The following HTR2C variants were observed in gnomAD, a reference collection of about 807,000 sequenced individuals.
HTR2C encodes the protein 5-hydroxytryptamine (serotonin) receptor 2C, G protein-coupled.
In HTR2C, 5 loss-of-function variants were observed where a neutral mutation model predicts 21.0. The ratio of observed to expected loss-of-function variants is 0.24; its 90% CI spans 0.12 to 0.50. The LOEUF (loss-of-function observed/expected upper bound fraction) is 0.50, where lower values mean the gene tolerates loss of function less well. HTR2C is among the 20% of genes least tolerant of loss of function. The pLI is 0.98. For synonymous variants in HTR2C, 150 were observed against 145.3 expected (o/e 1.03, Z -0.23); for missense variants, 271 against 371.2 (o/e 0.73, Z 2.22).
At chrX:114,597,327 A>C (rs1927904506) in intron 1 of HTR2C, among the ~76,000 whole-genome samples, 1 of 111,495 alleles carries the variant, frequency 9.0e-6, no homozygotes, top group Non-Finnish European at 1.9e-5. Context: ...TTAGAGTCAC[A>C]AAACTGTCAA....
intron 1 of HTR2C, among the ~76,000 whole-genome samples, chrX:114,607,210 G>A (rs1328106209): frequency 8.9e-6 from 1 of 112,212 alleles, no homozygotes; most frequent in African/African-American, 3.3e-5. Flanking sequence ...CACAGGGGAT[G>A]CAATGGCTTG....
At chrX:114,588,212 T>C (rs1927481774) in intron 1 of HTR2C, among the ~76,000 whole-genome samples, 1 of 112,059 alleles carries the variant, frequency 8.9e-6, no homozygotes, top group Non-Finnish European at 1.9e-5. Flanking sequence ...ATGGTCTAAT[T>C]TGAGAAGCAC....
At chrX:114,798,043 G>A (rs2070310956) in intron 4 of HTR2C, among the ~76,000 whole-genome samples, 1 of 87,196 alleles carries the variant, frequency 1.1e-5, no homozygotes, top group Non-Finnish European at 2.3e-5. Flanking sequence ...CTGTAGATTA[G>A]TAGTATTAGT....
chrX:114,602,995 T>C (rs1369541725), intron 1 of HTR2C, among the ~76,000 whole-genome samples: 3 of 110,172 alleles, frequency 2.7e-5, no homozygotes, highest in Non-Finnish European at 5.7e-5. Context: ...TACTATAGCA[T>C]AACCTGCCTT....
intron 5 of HTR2C, among the ~76,000 whole-genome samples, chrX:114,873,441 G>T (rs893415675): frequency 9.0e-5 from 10 of 110,899 alleles, no homozygotes; most frequent in African/African-American, 3.3e-4. Flanking sequence ...CAGCATTATG[G>T]ATTTTATTTT....
chrX:114,844,502 GTCTTT>G (rs1380880272), intron 4 of HTR2C, among the ~76,000 whole-genome samples: 5 of 111,805 alleles, frequency 4.5e-5, no homozygotes, highest in Non-Finnish European at 9.4e-5. Context: ...TGGTGCAAGT[GTCTTT>G]TCTTTACTGT....
At chrX:114,837,801 A>G (rs2070800743) in intron 4 of HTR2C, among the ~76,000 whole-genome samples, 1 of 111,395 alleles carries the variant, frequency 9.0e-6, no homozygotes, top group Non-Finnish European at 1.9e-5. Flanking sequence ...TTAATAACAT[A>G]ATGATGAGTA....
chrX:114,585,518 A>G (rs782380989), intron 1 of HTR2C, among the ~76,000 whole-genome samples: 1 of 111,659 alleles, frequency 9.0e-6, no homozygotes, highest in Non-Finnish European at 1.9e-5. Flanking sequence ...ATTGCTAAAC[A>G]TGAGAACAGG....
In HTR2C at chrX:114,819,574, A is replaced by G. The variant is rs897331255; in HGVS notation, c.350-28429A>G. ...TTTGGGATGAAGACTTAACTTTTAC[A>G]TGTATTACAATTAGGCCCTCTATAT... On this transcript the variant is annotated intron_variant, in intron 4 of 5. Coordinates refer to ENST00000276198, the MANE Select transcript of HTR2C (RefSeq NM_000868.4). Among the ~76,000 whole-genome samples, 4 of 112,625 alleles carry G rather than the reference A, an allele frequency of 3.6e-5. No individual in the cohort carries two copies. In the South Asian group the frequency reaches 1.1e-3, roughly 31 times the overall value.
At chrX:114,795,641 T>A (rs1009951766) in intron 4 of HTR2C, among the ~76,000 whole-genome samples, 9 of 111,899 alleles carry the variant, frequency 8.0e-5, no homozygotes, top group Non-Finnish European at 1.3e-4. Context: ...CCATTTCTTG[T>A]TTTTGTCAGG....
At chrX:114,728,694 A>T (rs1405400845) in intron 3 of HTR2C, among the ~76,000 whole-genome samples, 1 of 111,440 alleles carries the variant, frequency 9.0e-6, no homozygotes, top group African/African-American at 3.3e-5. Context: ...TATTAAAAAA[A>T]AATTTTCTGA....
rs782266150 is a variant in HTR2C, at chrX:114,806,909, A to G, written c.350-41094A>G. On this transcript the variant is annotated intron_variant, in intron 4 of 5. Transcript: ENST00000276198. ...TATATATACCATATATACACACACC[A>G]TATGTATATACCATATATATACCAT... is the stretch of plus-strand genomic sequence containing the variant. Among the ~76,000 whole-genome samples the G allele has an allele frequency of 1.4e-4, 13 of 93,178 alleles. No homozygotes were observed. The South Asian group carries it at 4.9e-3, about 35-fold the overall frequency. The allele number at this position is 93,178 out of a possible 115,157, so 80.9% of individuals were successfully genotyped here.
chrX:114,840,470 A>C (rs1373381123), intron 4 of HTR2C, among the ~76,000 whole-genome samples: 1 of 111,491 alleles, frequency 9.0e-6, no homozygotes, highest in Admixed American at 9.5e-5. Flanking sequence ...AAATCGTCCG[A>C]AATTAAGATC....
At chrX:114,804,362 T>C (rs5988132) in intron 4 of HTR2C, among the ~76,000 whole-genome samples, 4,837 of 111,573 alleles carry the variant, frequency 0.043, 258 homozygotes, top group African/African-American at 0.15. Context: ...TCTCATAAGG[T>C]TGTTGAGATG....
intron 1 of HTR2C, among the ~76,000 whole-genome samples, chrX:114,599,251 C>T (rs1056235456): frequency 9.0e-6 from 1 of 111,401 alleles, no homozygotes; most frequent in Admixed American, 9.6e-5. Context: ...ATATAATATC[C>T]GTATGTTTCA....
intron 4 of HTR2C, among the ~76,000 whole-genome samples, chrX:114,846,240 G>A (rs782159173): frequency 1.8e-5 from 2 of 111,028 alleles, no homozygotes; most frequent in South Asian, 7.6e-4. Context: ...GAATTTCACC[G>A]AACATTTCAA....
At chrX:114,880,087 A>G (rs2071169067) in intron 5 of HTR2C, among the ~76,000 whole-genome samples, 1 of 110,325 alleles carries the variant, frequency 9.1e-6, no homozygotes, top group Non-Finnish European at 1.9e-5. Context: ...TCATTATTAT[A>G]AAGTGTATAA....
intron 2 of HTR2C, among the ~76,000 whole-genome samples, chrX:114,615,045 T>G (rs1928898384): frequency 8.9e-6 from 1 of 111,883 alleles, no homozygotes. Context: ...ATTTTTAGTA[T>G]AACATTAATA....
At chrX:114,751,578 C>T (rs1271461722) in intron 4 of HTR2C, among the ~76,000 whole-genome samples, 1 of 111,604 alleles carries the variant, frequency 9.0e-6, no homozygotes, top group Admixed American at 9.6e-5. Context: ...TAAAGAAATG[C>T]TTCAAAATTG....
Sources: gnomAD v4.1 joint callset for allele counts (sites outside exome capture counted in the v4.1 genomes callset) on GRCh38, gnomAD v4.1.1 for gene constraint, MANE v1.5 for transcripts, NCBI Gene and HGNC (gene_info 2026-07-23, HGNC 2026-07-21) for gene names.